Variants in DOK5 observed in about 807,000 individuals in gnomAD.
The protein encoded by DOK5 is downstream of tyrosine kinase 5.
DOK5 carries 27 observed loss-of-function variants against 43.3 expected under a neutral mutation model. That is an observed-to-expected ratio of 0.62 (90% CI 0.46 to 0.86). DOK5 has a LOEUF of 0.86. DOK5 is among the 40% of genes least tolerant of loss of function. The pLI is 0.00. For synonymous variants in DOK5, 146 were observed against 140.1 expected, an observed-to-expected ratio of 1.04 and a Z score of -0.30; for missense variants, 373 against 392.9, an observed-to-expected ratio of 0.95 and a Z score of 0.43.
chr20:54,606,542 A>G (rs914730070), intron 5 of DOK5, among the ~76,000 whole-genome samples: 2 of 152,124 alleles, frequency 1.3e-5, no homozygotes, highest in African/African-American at 4.8e-5. Context: ...GTTATGTAAG[A>G]CCATTAGCCT....
At chr20:54,516,328 TA>T (rs900258912) in intron 1 of DOK5, among the ~76,000 whole-genome samples, 9 of 152,092 alleles carry the variant, frequency 5.9e-5, no homozygotes, top group Admixed American at 1.3e-4. Context: ...TAATTCAGTC[TA>T]AAAAAAACTG....
chr20:54,543,275 G>A (rs928561104), intron 1 of DOK5, among the ~76,000 whole-genome samples: 9 of 118,098 alleles, frequency 7.6e-5, no homozygotes, highest in Admixed American at 2.5e-4. Context: ...TATATATCCC[G>A]AATGATGAAA....
intron 1 of DOK5, among the ~76,000 whole-genome samples, chr20:54,496,025 C>T (rs185491403): frequency 1.1e-3 from 164 of 152,272 alleles, no homozygotes; most frequent in Non-Finnish European, 1.0e-3. Flanking sequence ...TTTAGAGAGA[C>T]AGGCACAGGA....
chr20:54,497,425 G>A (rs962265485), intron 1 of DOK5, among the ~76,000 whole-genome samples: 3 of 152,212 alleles, frequency 2.0e-5, no homozygotes, highest in Admixed American at 6.5e-5. Flanking sequence ...TGTAATTGAA[G>A]TGTAAACTTG....
chr20:54,640,014 T>C (rs879594182), intron 6 of DOK5, among the ~76,000 whole-genome samples: 7 of 152,312 alleles, frequency 4.6e-5, no homozygotes, highest in Non-Finnish European at 1.0e-4. Context: ...GGACCCAGCC[T>C]GGACAGGATG....
At chr20:54,568,755 C>A (rs1027490121) in intron 2 of DOK5, among the ~76,000 whole-genome samples, 3 of 151,764 alleles carry the variant, frequency 2.0e-5, no homozygotes, top group East Asian at 1.9e-4. Context: ...ATGATGAAAC[C>A]CCGTCTCTGC....
At chr20:54,607,129 C>T (rs1240921832) in intron 5 of DOK5, among the ~76,000 whole-genome samples, 2 of 152,192 alleles carry the variant, frequency 1.3e-5, no homozygotes, top group Non-Finnish European at 2.9e-5. Flanking sequence ...GCCATCTCAC[C>T]AGCTTTGTGA....
chr20:54,599,536 C>T (rs1986244310), intron 5 of DOK5, among the ~76,000 whole-genome samples: 1 of 152,168 alleles, frequency 6.6e-6, no homozygotes, highest in Non-Finnish European at 1.5e-5. Flanking sequence ...GGTATGAAGA[C>T]AAACAAGACA....
intron 6 of DOK5, among the ~76,000 whole-genome samples, chr20:54,640,483 C>A (rs1237973832): frequency 1.3e-5 from 2 of 152,224 alleles, no homozygotes; most frequent in Non-Finnish European, 2.9e-5. Flanking sequence ...CTCCCTGACA[C>A]AATTATGCAG....
At chr20:54,609,697 T>C (rs914669072) in intron 5 of DOK5, among the ~76,000 whole-genome samples, 1 of 152,218 alleles carries the variant, frequency 6.6e-6, no homozygotes, top group Admixed American at 6.5e-5. Flanking sequence ...AATTTATTTC[T>C]CTTTGTTTAC....
intron 1 of DOK5, among the ~76,000 whole-genome samples, chr20:54,551,748 C>T (rs1488782342): frequency 6.6e-6 from 1 of 152,034 alleles, no homozygotes; most frequent in Non-Finnish European, 1.5e-5. Flanking sequence ...AGGATGAAAA[C>T]CAATAGAATT....
chr20:54,477,144 G>A (rs1981463438), intron 1 of DOK5, among the ~76,000 whole-genome samples: 2 of 152,076 alleles, frequency 1.3e-5, no homozygotes, highest in African/African-American at 4.8e-5. Flanking sequence ...ATAATGAGTG[G>A]TAAATTGAAT....
intron 5 of DOK5, among the ~76,000 whole-genome samples, chr20:54,602,232 C>T (rs545303953): frequency 1.3e-5 from 2 of 152,334 alleles, no homozygotes; most frequent in South Asian, 4.1e-4. Context: ...TGCAATCTCT[C>T]ACCATTCTGT....
At chr20:54,572,648 G>C (rs1985321674) in intron 2 of DOK5, among the ~76,000 whole-genome samples, 1 of 151,940 alleles carries the variant, frequency 6.6e-6, no homozygotes, top group African/African-American at 2.4e-5. Flanking sequence ...TTTTTTTAAG[G>C]TTCTACAAAT....
intron 2 of DOK5, among the ~76,000 whole-genome samples, chr20:54,563,020 G>A (rs1306329150): frequency 6.6e-6 from 1 of 152,186 alleles, no homozygotes; most frequent in Non-Finnish European, 1.5e-5. Flanking sequence ...AAGAGACACA[G>A]ACCCACAGGG....
chr20:54,496,920 C>T (rs576790287), intron 1 of DOK5, among the ~76,000 whole-genome samples: 21 of 152,220 alleles, frequency 1.4e-4, no homozygotes, highest in Non-Finnish European at 4.4e-5. Context: ...ATTCTGGCCT[C>T]TTAGTAACCA....
intron 1 of DOK5, among the ~76,000 whole-genome samples, chr20:54,537,831 C>CTTTT (rs927019328): frequency 7.3e-4 from 65 of 89,554 alleles, no homozygotes; most frequent in Non-Finnish European, 8.5e-4. Flanking sequence ...TGTACAAGTT[C>CTTTT]TTTTTTTTTT....
rs6023280 is a variant in DOK5 at position 54,486,240 on chromosome 20, G to A, written c.66+10228G>A. ...ACTCCAGCACTTTTTTGAAAAGGTT[G>A]TCTTTTCTTCATTGAGCATTTTCAT... On this transcript the variant is annotated intron_variant, in intron 1 of 7. Coordinates refer to ENST00000262593, the MANE Select transcript of DOK5 (RefSeq NM_018431.5). 1.8e-4 allele frequency among the ~76,000 whole-genome samples: 27 copies of A among 152,090 alleles called. 1 individual carries two copies. The highest frequency in any genetic ancestry group is 6.5e-4 in the African/African-American group (27 of 41,496).
chr20:54,508,526 G>A (rs549285479), intron 1 of DOK5, among the ~76,000 whole-genome samples: 1 of 151,308 alleles, frequency 6.6e-6, no homozygotes, highest in East Asian at 1.9e-4. Flanking sequence ...AACTGTGCAG[G>A]GGCTACCTCA....
Sources: allele counts gnomAD v4.1 joint callset (sites outside exome capture counted in the v4.1 genomes callset), GRCh38; gene constraint gnomAD v4.1.1; transcripts MANE v1.5; gene names NCBI Gene and HGNC (gene_info 2026-07-23, HGNC 2026-07-21).